Variants in NRG3 observed in about 807,000 individuals in gnomAD.
NRG3 encodes neuregulin 3, also known as pro-neuregulin-3, membrane-bound isoform.
NRG3 carries 31 observed loss-of-function variants against 66.9 expected under a neutral mutation model. The observed-to-expected ratio is 0.46, with a 90% CI of 0.35 to 0.63. The LOEUF (loss-of-function observed/expected upper bound fraction) is 0.63. Ranked by LOEUF, NRG3 falls within the 20% of genes least tolerant of loss-of-function variation. NRG3 has a pLI of 0.00. For synonymous variants in NRG3, 393 were observed against 359.4 expected (o/e 1.09, Z -1.06); for missense variants, 910 against 878.9 (o/e 1.04, Z -0.45).
chr10:82,221,283 A>C (rs1436907639), intron 1 of NRG3, among the ~76,000 whole-genome samples: 2 of 150,824 alleles, frequency 1.3e-5, no homozygotes, highest in Admixed American at 1.3e-4. Context: ...AAAAAAAAAC[A>C]GGCCACAAAA....
At chr10:82,911,482 C>A (rs906526353) in intron 4 of NRG3, among the ~76,000 whole-genome samples, 1 of 151,666 alleles carries the variant, frequency 6.6e-6, no homozygotes, top group Non-Finnish European at 1.5e-5. Flanking sequence ...TAGATTATGT[C>A]TTTTAAGGCA....
intron 1 of NRG3, among the ~76,000 whole-genome samples, chr10:81,938,486 G>T (rs1848097528): frequency 6.6e-6 from 1 of 151,186 alleles, no homozygotes; most frequent in African/African-American, 2.4e-5. Flanking sequence ...TCTCCTTGAT[G>T]ATATTGTAAA....
At chr10:82,427,041 A>G (rs1011544308) in intron 2 of NRG3, among the ~76,000 whole-genome samples, 3 of 152,140 alleles carry the variant, frequency 2.0e-5, no homozygotes, top group African/African-American at 7.2e-5. Flanking sequence ...CATATCGTGC[A>G]ATCATACTGA....
At chr10:82,214,833 G>A (rs1466097843) in intron 1 of NRG3, among the ~76,000 whole-genome samples, 1 of 152,110 alleles carries the variant, frequency 6.6e-6, no homozygotes, top group Non-Finnish European at 1.5e-5. Context: ...ATTTCACGGT[G>A]ACTTCTTCAC....
At chr10:82,364,976 C>T (rs1202836825) in intron 2 of NRG3, among the ~76,000 whole-genome samples, 3 of 152,096 alleles carry the variant, frequency 2.0e-5, no homozygotes, top group Non-Finnish European at 4.4e-5. Context: ...GTTTTTTCTC[C>T]CTATTATGAC....
intron 1 of NRG3, among the ~76,000 whole-genome samples, chr10:81,900,909 A>T (rs1844004673): frequency 6.6e-6 from 1 of 152,162 alleles, no homozygotes; most frequent in African/African-American, 2.4e-5. Flanking sequence ...TTTTCTGGAA[A>T]TTTTTTCCTC....
At chr10:82,483,855 G>C (rs1590296983) in intron 2 of NRG3, among the ~76,000 whole-genome samples, 1 of 152,242 alleles carries the variant, frequency 6.6e-6, no homozygotes, top group Non-Finnish European at 1.5e-5. Flanking sequence ...CAAGGGTTTG[G>C]AATTTAGAAA....
At chr10:82,639,221 A>G (rs769851821) in intron 2 of NRG3, among the ~76,000 whole-genome samples, 6 of 152,182 alleles carry the variant, frequency 3.9e-5, no homozygotes, top group Non-Finnish European at 5.9e-5. Flanking sequence ...GGAAAGTTCA[A>G]GTGTCTAGTG....
intron 3 of NRG3, among the ~76,000 whole-genome samples, chr10:82,857,160 C>G (rs1332928048): frequency 1.3e-5 from 2 of 152,210 alleles, no homozygotes; most frequent in Non-Finnish European, 1.5e-5. Flanking sequence ...CATGCTATTT[C>G]ACTTTGCTTA....
At chr10:82,016,406 G>A (rs565432418) in intron 1 of NRG3, among the ~76,000 whole-genome samples, 2 of 152,136 alleles carry the variant, frequency 1.3e-5, no homozygotes, top group South Asian at 2.1e-4. Flanking sequence ...AAGCATGAAG[G>A]TACAAAGAAA....
At chr10:82,369,708 T>C (rs1387626380) in intron 2 of NRG3, among the ~76,000 whole-genome samples, 1 of 139,068 alleles carries the variant, frequency 7.2e-6, no homozygotes, top group Admixed American at 6.8e-5. Flanking sequence ...CTTGACCTAA[T>C]TATAATTTGA....
At chr10:82,098,786 C>T (rs182553923) in intron 1 of NRG3, among the ~76,000 whole-genome samples, 61 of 152,066 alleles carry the variant, frequency 4.0e-4, no homozygotes, top group Non-Finnish European at 7.1e-4. Flanking sequence ...GTTTTTGAGG[C>T]GGAGTCCTGT....
At chr10:82,562,675 T>G (rs1035961212) in intron 2 of NRG3, among the ~76,000 whole-genome samples, 1 of 152,220 alleles carries the variant, frequency 6.6e-6, no homozygotes, top group East Asian at 1.9e-4. Flanking sequence ...AAAAGTTTTT[T>G]CTCAATCACA....
intron 2 of NRG3, among the ~76,000 whole-genome samples, chr10:82,408,001 A>AT (rs765663032): frequency 6.6e-6 from 1 of 150,656 alleles, no homozygotes; most frequent in East Asian, 2.0e-4. Flanking sequence ...GTGAGCTAAG[A>AT]TCACACCACT....
At chr10:82,980,494 T>C (rs1258681036) in intron 8 of NRG3, among the ~76,000 whole-genome samples, 1 of 152,216 alleles carries the variant, frequency 6.6e-6, no homozygotes, top group Non-Finnish European at 1.5e-5. Flanking sequence ...GCCAGGTTTC[T>C]ATGCTGCTTT....
At position 82,735,054 on chromosome 10, in the gene NRG3, G is replaced by T. The variant is rs116883374; in HGVS notation, c.954-3523G>T. ...GAAGGGAAGGGAAGAAGGAAGGAGGGAGGAAGGAAGAAAGAAAGAAAGAAA... is the reference window on the plus strand; with the variant it reads ...GAAGGGAAGGGAAGAAGGAAGGAGGTAGGAAGGAAGAAAGAAAGAAAGAAA... On this transcript the variant is annotated intron_variant, in intron 2 of 8. Coordinates refer to ENST00000372141, the MANE Select transcript of NRG3 (RefSeq NM_001010848.4). Among the ~76,000 whole-genome samples the T allele has an allele frequency of 9.9e-3, 1,495 of 151,382 alleles. 10 individuals carry two copies. The highest frequency in any genetic ancestry group is 0.015 in the South Asian group (72 of 4,764).
intron 1 of NRG3, among the ~76,000 whole-genome samples, chr10:82,146,873 G>GA (rs2070306245): frequency 6.6e-6 from 1 of 152,180 alleles, no homozygotes; most frequent in Admixed American, 6.5e-5. Flanking sequence ...AGGCTTCCCT[G>GA]ATGGAGTGTG....
rs138586631 is a variant in NRG3 at position 82,933,115 on chromosome 10, T to C, written c.1055-18354T>C. Among the ~76,000 whole-genome samples the C allele has an allele frequency of 4.9e-3, 747 of 152,338 alleles. 6 individuals are homozygous for C. Among genetic ancestry groups the C allele is most frequent in the African/African-American group, 0.017 (708 of 41,586 alleles). ...CTCAGATTTTGAGCTCCTTGAAAGC[T>C]GAGCAGCATAGGAGCCTTCACAACC... On this transcript the variant is annotated intron_variant, in intron 4 of 8. Coordinates refer to ENST00000372141, the MANE Select transcript of NRG3 (RefSeq NM_001010848.4).
chr10:82,098,990 C>G (rs2066551924), intron 1 of NRG3, among the ~76,000 whole-genome samples: 1 of 152,150 alleles, frequency 6.6e-6, no homozygotes, highest in Admixed American at 6.5e-5. Context: ...TGGTCTCGAT[C>G]TCCTGACCTC....
Sources: gnomAD v4.1 joint callset for allele counts (sites outside exome capture counted in the v4.1 genomes callset) on GRCh38, gnomAD v4.1.1 for gene constraint, MANE v1.5 for transcripts, NCBI Gene and HGNC (gene_info 2026-07-23, HGNC 2026-07-21) for gene names.